The following LMO7 variants were observed in gnomAD, a reference collection of about 807,000 sequenced individuals.
The protein encoded by LMO7 is LIM domain 7.
LMO7 carries 120 observed loss-of-function variants against 206.5 expected under a neutral mutation model. The observed-to-expected ratio is 0.58, with a 90% CI of 0.50 to 0.68. LMO7 has a LOEUF of 0.68. Among genes scored for constraint, LMO7 ranks in the 30% least tolerant of loss-of-function variants. LMO7 has a pLI of 0.00. For missense variants in LMO7, 1,959 were observed against 1,957.9 expected (o/e 1.00, Z -0.01); for synonymous variants, 706 against 681.5 (o/e 1.04, Z -0.56).
intron 11 of LMO7, among the ~76,000 whole-genome samples, chr13:75,810,920 A>G (rs994160991): frequency 6.6e-6 from 1 of 152,232 alleles, no homozygotes; most frequent in Admixed American, 6.5e-5. Context: ...AATGTTTTCT[A>G]TCCCAAGATA....
At chr13:75,738,178 C>T (rs1462507930) in intron 3 of LMO7, among the ~76,000 whole-genome samples, 2 of 152,212 alleles carry the variant, frequency 1.3e-5, no homozygotes, top group South Asian at 2.1e-4. Flanking sequence ...GTAAAAATTT[C>T]TGTGTAAGGG....
upstream of LMO7, chr13:75,631,383 T>C (rs1486631427): frequency 6.6e-6 from 1 of 152,248 alleles, no homozygotes; most frequent in Non-Finnish European, 1.5e-5. Context: ...ATTTACTCCA[T>C]CATCTCTATT....
At chr13:75,682,785 T>A (rs1020648861) in intron 1 of LMO7, among the ~76,000 whole-genome samples, 40 of 152,204 alleles carry the variant, frequency 2.6e-4, no homozygotes, top group African/African-American at 8.2e-4. Flanking sequence ...TGTCATATGA[T>A]TTTGCAAATC....
intron 4 of LMO7, among the ~76,000 whole-genome samples, chr13:75,775,233 T>C (rs2050219945): frequency 6.6e-6 from 1 of 152,020 alleles, no homozygotes; most frequent in Non-Finnish European, 1.5e-5. Flanking sequence ...TCAATAAATG[T>C]TGCTGGGAAA....
At chr13:75,735,793 A>G (rs993809079) in intron 3 of LMO7, among the ~76,000 whole-genome samples, 2 of 151,976 alleles carry the variant, frequency 1.3e-5, no homozygotes, top group African/African-American at 2.4e-5. Flanking sequence ...ATTCAGTTTA[A>G]TAAAACAAAT....
intron 2 of LMO7, among the ~76,000 whole-genome samples, chr13:75,626,310 T>C (rs1048874883): frequency 5.9e-5 from 9 of 151,754 alleles, no homozygotes; most frequent in Non-Finnish European, 1.2e-4. Flanking sequence ...CTCAGAATCA[T>C]GGTGGGAGGT....
chr13:75,658,191 C>G (rs546355469), intron 1 of LMO7, among the ~76,000 whole-genome samples: 8 of 152,136 alleles, frequency 5.3e-5, no homozygotes, highest in African/African-American at 1.9e-4. Context: ...CTCTCTAACT[C>G]GTTTTTCTCC....
At position 75,856,615 on chromosome 13, in the gene LMO7, G is replaced by A; in HGVS notation, c.4873+7G>A. On this transcript the variant is annotated splice_region_variant and intron_variant, in intron 30 of 30. Coordinates refer to ENST00000377534, the MANE Select transcript of LMO7 (RefSeq NM_001306080.2). ...TGCTATCTCAGATTCAAATGTAAGA[G>A]AGCAAATCAGAGAGAAAATTTCTTG... 1.9e-6 allele frequency: 3 copies of A among 1,543,948 alleles called. No individual in the cohort carries two copies. The highest frequency in any genetic ancestry group is 2.7e-6 in the Non-Finnish European group (3 of 1,116,310).
chr13:75,717,306 T>A (rs2043626932), intron 2 of LMO7, among the ~76,000 whole-genome samples: 1 of 144,082 alleles, frequency 6.9e-6, no homozygotes, highest in African/African-American at 2.6e-5. Context: ...GAGCTTGCAG[T>A]GAGTGGAGAT....
At chr13:75,835,835 A>G (rs1458776616) in intron 18 of LMO7, among the ~76,000 whole-genome samples, 3 of 152,150 alleles carry the variant, frequency 2.0e-5, no homozygotes, top group African/African-American at 2.4e-5. Context: ...TTTGATCAAA[A>G]ATATAATGTA....
rs2057586545 is a variant in LMO7 at position 75,821,701 on chromosome 13, TA to T, written c.2640+95del. The T allele has an allele frequency of 3.8e-6, 3 of 779,862 alleles. No individual in the cohort carries two copies. In the East Asian group the frequency reaches 7.9e-5, roughly 21 times the overall value. 48.3% of individuals were successfully genotyped at this position (779,862 alleles called of 1,614,324 possible). Reference sequence around the variant, plus strand: ...GTTGGGGTTACATCAACTTGATGTGTAAACTGTACATAACATATATAAGGAC... The same window carrying T: ...GTTGGGGTTACATCAACTTGATGTGTAACTGTACATAACATATATAAGGAC... On this transcript the variant is annotated intron_variant, in intron 14 of 30. Transcript: ENST00000377534.
intron 1 of LMO7, among the ~76,000 whole-genome samples, chr13:75,642,134 A>G (rs537026657): frequency 1.4e-4 from 21 of 152,318 alleles, no homozygotes; most frequent in Admixed American, 5.9e-4. Context: ...ATGCCGTTAG[A>G]ATAGCCTGAC....
intron 4 of LMO7, among the ~76,000 whole-genome samples, chr13:75,772,988 T>TA (rs895752427): frequency 2.6e-5 from 4 of 151,688 alleles, no homozygotes; most frequent in East Asian, 1.9e-4. Flanking sequence ...GTTTAGATAA[T>TA]AAAAAAAAGT....
intron 3 of LMO7, among the ~76,000 whole-genome samples, chr13:75,753,729 C>T (rs929081024): frequency 6.6e-6 from 1 of 152,144 alleles, no homozygotes; most frequent in African/African-American, 2.4e-5. Context: ...TGTTTGCTTC[C>T]CTCTCCACAA....
chr13:75,621,312 G>A (rs760185019), exon 1 of LMO7: 39 of 152,704 alleles, frequency 2.6e-4, no homozygotes, highest in Non-Finnish European at 4.5e-4. Context: ...TCTGTGACTC[G>A]GAAATGGTTT....
chr13:75,808,002 C>T lies in LMO7; in HGVS notation c.1719C>T (p.Ser573=), dbSNP rs1455279419. Residue 573 remains serine (S), a synonymous_variant, in exon 10 of 31, where the codon AGC becomes AGT. Transcript: ENST00000377534. The part of the protein sequence containing the change: ...RTCPSKEKSN[S]CRILVPSYRQ... ...GCCCATCCAAAGAAAAAAGTAATAG[C>T]TGTAGAATATTAGTTCCTTCATATC... 6.2e-7 allele frequency: 1 copy of T among 1,613,854 alleles called. No individual in the cohort carries two copies. Among genetic ancestry groups the T allele is most frequent in the African/African-American group, 1.3e-5 (1 of 75,008 alleles).
intron 4 of LMO7, among the ~76,000 whole-genome samples, chr13:75,772,345 A>C (rs1485703272): frequency 6.6e-6 from 1 of 152,138 alleles, no homozygotes; most frequent in African/African-American, 2.4e-5. Flanking sequence ...TAACTAGTAG[A>C]TGGGTTAGAT....
At chr13:75,813,219 C>A (rs2056616738) in intron 11 of LMO7, among the ~76,000 whole-genome samples, 1 of 152,234 alleles carries the variant, frequency 6.6e-6, no homozygotes, top group South Asian at 2.1e-4. Context: ...TCCTCTACTA[C>A]AAAAGTTCTG....
chr13:75,665,502 C>G (rs1350045777), intron 1 of LMO7, among the ~76,000 whole-genome samples: 1 of 150,888 alleles, frequency 6.6e-6, no homozygotes, highest in Non-Finnish European at 1.5e-5. Context: ...TATTCTAATT[C>G]AGAGGAAATT....
Sources: allele counts gnomAD v4.1 joint callset (sites outside exome capture counted in the v4.1 genomes callset), GRCh38; gene constraint gnomAD v4.1.1; transcripts MANE v1.5; gene names NCBI Gene and HGNC (gene_info 2026-07-23, HGNC 2026-07-21).